Variants in OPHN1 observed in about 807,000 individuals in gnomAD.
OPHN1 encodes oligophrenin-1.
A neutral mutation model predicts 60.7 loss-of-function variants in OPHN1; 11 were observed. The observed-to-expected ratio is 0.18, with a 90% confidence interval of 0.11 to 0.30. The LOEUF is 0.30. Ranked by LOEUF, OPHN1 falls within the 10% of genes least tolerant of loss-of-function variation. The pLI is 1.00. For missense variants in OPHN1, 449 were observed against 611.0 expected, an observed-to-expected ratio of 0.73 and a Z score of 2.80; for synonymous variants, 226 against 222.6, an observed-to-expected ratio of 1.02 and a Z score of -0.14.
At chrX:68,140,388 G>A (rs1273052103) in intron 15 of OPHN1, among the ~76,000 whole-genome samples, 2 of 112,038 alleles carry the variant, frequency 1.8e-5, no homozygotes, top group Non-Finnish European at 3.8e-5. Flanking sequence ...GACCATGTAC[G>A]ATTTTGCTCA....
intron 12 of OPHN1, among the ~76,000 whole-genome samples, chrX:68,195,004 AAGG>A (rs2077505679): frequency 8.2e-5 from 1 of 12,190 alleles, no homozygotes; most frequent in Non-Finnish European, 2.1e-4. Flanking sequence ...GAGAGAAAGA[AAGG>A]AAGGAAGGAA....
intron 5 of OPHN1, among the ~76,000 whole-genome samples, chrX:68,269,996 C>A (rs768824403): frequency 9.0e-6 from 1 of 111,700 alleles, no homozygotes; most frequent in Non-Finnish European, 1.9e-5. Context: ...AAATGCTCAT[C>A]GTCACTGGTC....
At chrX:68,241,173 T>G (rs975868864) in intron 5 of OPHN1, among the ~76,000 whole-genome samples, 2 of 112,066 alleles carry the variant, frequency 1.8e-5, no homozygotes, top group African/African-American at 6.5e-5. Flanking sequence ...TCCCTGTTTC[T>G]TGGATACAAA....
At chrX:68,095,684 C>G (rs780848509) in intron 19 of OPHN1, among the ~76,000 whole-genome samples, 248 of 111,483 alleles carry the variant, frequency 2.2e-3, no homozygotes, top group African/African-American at 7.8e-3. Context: ...TCTCCCCCAT[C>G]CTTGGTGACT....
At chrX:68,160,896 A>C (rs2077331486) in intron 15 of OPHN1, among the ~76,000 whole-genome samples, 1 of 111,086 alleles carries the variant, frequency 9.0e-6, no homozygotes, top group African/African-American at 3.3e-5. Flanking sequence ...AACAGCAAGA[A>C]GAATAAAGGA....
chrX:68,426,891 CA>C (rs11349332), intron 2 of OPHN1, among the ~76,000 whole-genome samples: 4,252 of 17,102 alleles, frequency 0.25, 314 homozygotes, highest in African/African-American at 0.29. Flanking sequence ...TTAAAACAAA[CA>C]AAAAAAAAAA....
intron 6 of OPHN1, among the ~76,000 whole-genome samples, chrX:68,222,603 A>G (rs995636655): frequency 2.4e-4 from 26 of 106,979 alleles, no homozygotes; most frequent in African/African-American, 8.1e-4. Context: ...GCAGCCATAA[A>G]AAATGTGAGT....
intron 15 of OPHN1, among the ~76,000 whole-genome samples, chrX:68,172,121 A>G (rs1056915570): frequency 7.1e-5 from 8 of 112,153 alleles, no homozygotes; most frequent in Non-Finnish European, 1.3e-4. Flanking sequence ...TCCCAGGTAC[A>G]TACCCAAGAG....
At chrX:68,081,334 C>T (rs1046183074) in intron 19 of OPHN1, among the ~76,000 whole-genome samples, 8 of 111,256 alleles carry the variant, frequency 7.2e-5, no homozygotes, top group African/African-American at 2.3e-4. Flanking sequence ...GCTATGTAAC[C>T]AGGGGCAAGA....
chrX:68,105,352 G>A (rs1267193331), intron 18 of OPHN1, among the ~76,000 whole-genome samples: 1 of 110,532 alleles, frequency 9.0e-6, no homozygotes, highest in East Asian at 2.8e-4. Context: ...AAAGACACAT[G>A]TACACGTATG....
At chrX:68,254,187 A>C (rs2077850055) in intron 5 of OPHN1, among the ~76,000 whole-genome samples, 1 of 111,380 alleles carries the variant, frequency 9.0e-6, no homozygotes, top group African/African-American at 3.3e-5. Context: ...AAGTGGTACA[A>C]GCAGCATGAA....
intron 5 of OPHN1, among the ~76,000 whole-genome samples, chrX:68,251,623 T>A (rs749263967): frequency 1.8e-5 from 2 of 111,626 alleles, no homozygotes; most frequent in Non-Finnish European, 3.8e-5. Context: ...TACATCCTTA[T>A]CTAGGTAAGT....
At chrX:68,157,244 A>C (rs2077313438) in intron 15 of OPHN1, among the ~76,000 whole-genome samples, 1 of 112,118 alleles carries the variant, frequency 8.9e-6, no homozygotes, top group African/African-American at 3.2e-5. Flanking sequence ...CATAATAGAA[A>C]GTTGTATTGG....
At chrX:68,403,777 G>A (rs1048275113) in intron 2 of OPHN1, among the ~76,000 whole-genome samples, 6 of 110,231 alleles carry the variant, frequency 5.4e-5, no homozygotes, top group African/African-American at 2.0e-4. Context: ...AGTCTAAACA[G>A]AGGCAGCATT....
chrX:68,408,847 G>C (rs932781321), intron 2 of OPHN1, among the ~76,000 whole-genome samples: 1 of 112,403 alleles, frequency 8.9e-6, no homozygotes, highest in Non-Finnish European at 1.9e-5. Flanking sequence ...TGTAATCCTA[G>C]CTACTCAGGA....
At chrX:68,378,526 G>A (rs1230702674) in intron 2 of OPHN1, among the ~76,000 whole-genome samples, 1 of 111,761 alleles carries the variant, frequency 8.9e-6, no homozygotes, top group African/African-American at 3.2e-5. Flanking sequence ...GTCCTGAATG[G>A]TAATGCCTAG....
rs1292148156 is a variant in OPHN1 at position 68,043,519 on chromosome X, C to G, written c.*3653G>C. 2.7e-5 allele frequency: 3 copies of G among 111,152 alleles called. No individual in the cohort carries two copies. Among genetic ancestry groups the G allele is most frequent in the African/African-American group, 9.8e-5 (3 of 30,543 alleles). The allele number at this position is 111,152 out of a possible 1,213,427, so 9.2% of individuals were successfully genotyped here. A position where few individuals can be genotyped will look rare whatever the true frequency, so the allele number is the denominator to read the frequency against. ...AAGTAGTATAATTGATCTATGTTCT[C>G]TCAAAAGCAATTTTTTCCTAGTCAC... On this transcript the variant is annotated 3_prime_UTR_variant, in exon 25 of 25. Coordinates refer to ENST00000355520, the MANE Select transcript of OPHN1 (RefSeq NM_002547.3).
intron 15 of OPHN1, among the ~76,000 whole-genome samples, chrX:68,163,483 CATTT>C (rs2077344939): frequency 2.8e-5 from 3 of 107,592 alleles, no homozygotes; most frequent in Non-Finnish European, 5.8e-5. Flanking sequence ...TTTATCCATT[CATTT>C]GTCAACAGAC....
intron 2 of OPHN1, among the ~76,000 whole-genome samples, chrX:68,321,575 C>T (rs1569279625): frequency 9.0e-6 from 1 of 111,529 alleles, no homozygotes; most frequent in Admixed American, 9.6e-5. Context: ...ACCCAAATGT[C>T]GTATGTTCTC....
Sources: allele counts gnomAD v4.1 joint callset (sites outside exome capture counted in the v4.1 genomes callset), GRCh38; gene constraint gnomAD v4.1.1; transcripts MANE v1.5; gene names NCBI Gene and HGNC (gene_info 2026-07-23, HGNC 2026-07-21).